Variants in SPECC1 observed in about 807,000 individuals in gnomAD.
SPECC1 encodes sperm antigen with calponin homology and coiled-coil domains 1.
A neutral mutation model predicts 104.1 loss-of-function variants in SPECC1; 62 were observed. The observed-to-expected ratio is 0.60, with a 90% CI of 0.49 to 0.74. The LOEUF (loss-of-function observed/expected upper bound fraction) is 0.74. SPECC1 is among the 30% of genes least tolerant of loss of function. The probability of loss-of-function intolerance (pLI) is 0.00; values close to 1 mark genes in which losing one functional copy is unlikely to be tolerated. For synonymous variants in SPECC1, 513 were observed against 501.6 expected, an observed-to-expected ratio of 1.02 and a Z score of -0.30; for missense variants, 1,306 against 1,310.5, an observed-to-expected ratio of 1.00 and a Z score of 0.05.
At chr17:20,221,015 C>T (rs1037539004) in intron 4 of SPECC1, among the ~76,000 whole-genome samples, 11 of 152,228 alleles carry the variant, frequency 7.2e-5, no homozygotes, top group Admixed American at 3.3e-4. Flanking sequence ...ATAAATCCCA[C>T]TTGGTCATGA....
At chr17:20,102,906 A>G (rs2048009163) in intron 2 of SPECC1, among the ~76,000 whole-genome samples, 1 of 152,226 alleles carries the variant, frequency 6.6e-6, no homozygotes, top group African/African-American at 2.4e-5. Flanking sequence ...TGTGTCAGAC[A>G]CTGTTATCCT....
At chr17:20,192,252 G>T (rs892346702) in intron 3 of SPECC1, among the ~76,000 whole-genome samples, 3 of 152,054 alleles carry the variant, frequency 2.0e-5, no homozygotes, top group African/African-American at 7.2e-5. Flanking sequence ...TGGGATTACA[G>T]GTGTGAGCCA....
At chr17:20,231,676 G>A (rs2038588475) in intron 5 of SPECC1, 82 bp from the exon 6 acceptor site, 2 of 1,262,086 alleles carry the variant, frequency 1.6e-6, no homozygotes, top group South Asian at 2.4e-5. Flanking sequence ...ATCTGGAGCT[G>A]CCCCTTTCTT....
intron 1 of SPECC1, among the ~76,000 whole-genome samples, chr17:20,065,365 A>G (rs2046322993): frequency 6.7e-6 from 1 of 148,374 alleles, no homozygotes; most frequent in African/African-American, 2.5e-5. Flanking sequence ...CTTCTGACCA[A>G]CTGGCTTCAA....
chr17:20,068,993 T>G (rs2046453954), intron 1 of SPECC1, among the ~76,000 whole-genome samples: 1 of 152,200 alleles, frequency 6.6e-6, no homozygotes, highest in Admixed American at 6.5e-5. Flanking sequence ...GGTTCAGGGG[T>G]ACATGTGAAG....
chr17:20,043,011 T>C (rs1597605760), intron 1 of SPECC1, among the ~76,000 whole-genome samples: 1 of 152,308 alleles, frequency 6.6e-6, no homozygotes, highest in East Asian at 1.9e-4. Context: ...TTGCTTTTCG[T>C]TTGTTTTTAA....
Position 20,227,456 on chromosome 17 carries a change from A to G in SPECC1, c.1907A>G (p.Gln636Arg). 1 of 1,613,728 alleles carries G rather than the reference A, an allele frequency of 6.2e-7. No individual in the cohort carries two copies. The highest frequency in any genetic ancestry group is 8.5e-7 in the Non-Finnish European group (1 of 1,179,880). ...TACCTGAAGGAGATATGTGATCACC[A>G]AGCCGAACAGCTGAGCAGAACCAGC... ...YSYLKEICDH[Q>R]AEQLSRTSLK... The change falls in exon 5 of 15, where the codon CAA becomes CGA. Residue 636 changes from glutamine to arginine, a missense_variant. Gln to Arg is a conservative substitution (Grantham distance 43). Transcript: ENST00000395527.
intron 3 of SPECC1, chr17:20,156,145 T>C: frequency 7.0e-7 from 1 of 1,428,444 alleles, no homozygotes; most frequent in Non-Finnish European, 9.2e-7. Context: ...CTCGGCACGG[T>C]GGACACCCGG....
intron 12 of SPECC1, among the ~76,000 whole-genome samples, chr17:20,265,269 T>C (rs996828267): frequency 3.3e-5 from 5 of 152,168 alleles, no homozygotes; most frequent in Non-Finnish European, 7.3e-5. Flanking sequence ...CTCGCTAGCG[T>C]CTGCTATTTT....
intron 12 of SPECC1, among the ~76,000 whole-genome samples, chr17:20,283,275 G>T (rs759311673): frequency 6.6e-6 from 1 of 152,226 alleles, no homozygotes; most frequent in Non-Finnish European, 1.5e-5. Context: ...GTTATTCCAT[G>T]AGGGACAAAA....
intron 3 of SPECC1, among the ~76,000 whole-genome samples, chr17:20,144,031 A>C (rs2031160529): frequency 6.6e-6 from 1 of 152,154 alleles, no homozygotes. Flanking sequence ...AGAGCACACT[A>C]TGTGAGTTCA....
At chr17:20,075,887 C>T (rs1423583331) in intron 1 of SPECC1, among the ~76,000 whole-genome samples, 1 of 152,144 alleles carries the variant, frequency 6.6e-6, no homozygotes, top group Non-Finnish European at 1.5e-5. Context: ...GTTGAGGCTA[C>T]AGTGAGCTGT....
chr17:20,151,250 A>ACCAGGCTAGTGATATGTGGAGC lies in SPECC1; in HGVS notation c.283+40689_283+40710dup, dbSNP rs559760396. ...TTCAAATTTTGAATTTTGATCTTTTACCAGGCTAGTGATATGTGGAGCTAC... is the reference window on the plus strand; with the variant it reads ...TTCAAATTTTGAATTTTGATCTTTTACCAGGCTAGTGATATGTGGAGCCCAGGCTAGTGATATGTGGAGCTAC... On this transcript the variant is annotated intron_variant, in intron 3 of 14. Transcript: ENST00000395527. Among the ~76,000 whole-genome samples, 36 of 152,294 alleles carry ACCAGGCTAGTGATATGTGGAGC rather than the reference A, an allele frequency of 2.4e-4. No homozygotes were observed. The East Asian group carries it at 6.7e-3, about 29-fold the overall frequency.
rs1225754384 is a variant in SPECC1 at position 20,289,864 on chromosome 17, T to C, written c.2941-7097T>C. Among the ~76,000 whole-genome samples the C allele has an allele frequency of 2.0e-5, 3 of 152,180 alleles. 1 individual carries two copies. In the South Asian group the frequency reaches 6.2e-4, roughly 31 times the overall value. On this transcript the variant is annotated intron_variant, in intron 12 of 14. Transcript: ENST00000395527. The stretch of plus-strand genomic sequence containing the variant: ...GGAGCGAGTGTTATGTCACAAACCA[T>C]AGTTGGGTGGCCTCTACCTCTGCCA...
At chr17:20,221,980 C>G (rs867457559) in intron 4 of SPECC1, among the ~76,000 whole-genome samples, 13 of 151,130 alleles carry the variant, frequency 8.6e-5, no homozygotes, top group Middle Eastern at 6.8e-3. Context: ...TAGTTTTATT[C>G]CATGGTGGTC....
At chr17:20,118,139 C>T (rs1271982137) in intron 3 of SPECC1, among the ~76,000 whole-genome samples, 1 of 142,178 alleles carries the variant, frequency 7.0e-6, no homozygotes, top group Non-Finnish European at 1.5e-5. Context: ...ATAAATAAAG[C>T]AAAACAACAA....
intron 2 of SPECC1, among the ~76,000 whole-genome samples, chr17:20,098,942 A>T (rs2047787143): frequency 2.0e-5 from 3 of 152,200 alleles, no homozygotes; most frequent in African/African-American, 4.8e-5. Context: ...TATTTATTGA[A>T]TGATGAGCAC....
At chr17:20,210,935 G>A (rs2037105899) in intron 4 of SPECC1, among the ~76,000 whole-genome samples, 1 of 152,162 alleles carries the variant, frequency 6.6e-6, no homozygotes, top group Admixed American at 6.5e-5. Context: ...CCACCCCATT[G>A]ACCATTACCT....
At chr17:20,035,411 A>G (rs1280936629) in intron 1 of SPECC1, among the ~76,000 whole-genome samples, 1 of 152,186 alleles carries the variant, frequency 6.6e-6, no homozygotes, top group East Asian at 1.9e-4. Flanking sequence ...TTTCCAACCT[A>G]TAAGCATGGT....
Sources: gnomAD v4.1 joint callset for allele counts (sites outside exome capture counted in the v4.1 genomes callset) on GRCh38, gnomAD v4.1.1 for gene constraint, MANE v1.5 for transcripts, NCBI Gene and HGNC (gene_info 2026-07-23, HGNC 2026-07-21) for gene names.